CSMD1: variants seen among roughly 807,000 people sequenced by gnomAD.
CSMD1 encodes CUB and Sushi multiple domains 1.
A neutral mutation model predicts 417.5 loss-of-function variants in CSMD1; 213 were observed. The observed-to-expected ratio is 0.51, with a 90% confidence interval of 0.46 to 0.57. CSMD1 has a LOEUF of 0.57. Among genes scored for constraint, CSMD1 ranks in the 20% least tolerant of loss-of-function variants. The pLI, the probability that CSMD1 is intolerant of heterozygous loss-of-function variation, is 0.00. For synonymous variants in CSMD1, 2,862 were observed against 1,736.8 expected, an observed-to-expected ratio of 1.65 and a Z score of -16.11; for missense variants, 6,923 against 4,529.7, an observed-to-expected ratio of 1.53 and a Z score of -15.17.
At chr8:4,521,928 A>G (rs961337577) in intron 2 of CSMD1, among the ~76,000 whole-genome samples, 4 of 152,194 alleles carry the variant, frequency 2.6e-5, no homozygotes, top group African/African-American at 4.8e-5. Context: ...AGATGTGTAC[A>G]TTTTAAGGGA....
chr8:4,821,480 T>C (rs983906707), intron 1 of CSMD1, among the ~76,000 whole-genome samples: 2 of 152,156 alleles, frequency 1.3e-5, no homozygotes. Context: ...GGAACGCACT[T>C]TTCTCATATT....
intron 5 of CSMD1, among the ~76,000 whole-genome samples, chr8:3,754,656 T>G (rs1797555200): frequency 1.3e-5 from 2 of 152,198 alleles, no homozygotes; most frequent in African/African-American, 4.8e-5. Flanking sequence ...GGTTTTGCCG[T>G]GTTGGCCAGG....
At chr8:3,879,834 TGC>T (rs1322614928) in intron 5 of CSMD1, among the ~76,000 whole-genome samples, 6 of 139,962 alleles carry the variant, frequency 4.3e-5, no homozygotes. Context: ...GGTGTGCGTG[TGC>T]GTGTGTGTGT....
chr8:4,833,700 G>C (rs537804963), intron 1 of CSMD1, among the ~76,000 whole-genome samples: 95 of 152,304 alleles, frequency 6.2e-4, no homozygotes, highest in Non-Finnish European at 3.5e-4. Context: ...TCAATATCTA[G>C]TGGAAGGAGG....
chr8:3,242,251 A>G (rs889478565), intron 26 of CSMD1, among the ~76,000 whole-genome samples: 35 of 151,622 alleles, frequency 2.3e-4, no homozygotes, highest in African/African-American at 3.9e-4. Context: ...GAGTGGAGGA[A>G]CGGAGGCTGA....
chr8:3,470,384 A>G (rs1396856383), intron 11 of CSMD1, among the ~76,000 whole-genome samples: 1 of 152,210 alleles, frequency 6.6e-6, no homozygotes, highest in African/African-American at 2.4e-5. Flanking sequence ...CACATGTGGT[A>G]GGTAGTACAA....
At chr8:4,634,655 G>C (rs984421458) in intron 2 of CSMD1, among the ~76,000 whole-genome samples, 7 of 152,130 alleles carry the variant, frequency 4.6e-5, no homozygotes, top group Non-Finnish European at 1.0e-4. Context: ...CTACTTAATT[G>C]CGTTTGAGAA....
intron 1 of CSMD1, among the ~76,000 whole-genome samples, chr8:4,822,581 A>C (rs576043851): frequency 6.6e-6 from 1 of 152,128 alleles, no homozygotes; most frequent in South Asian, 2.1e-4. Flanking sequence ...ACATTTTTAT[A>C]TTTTTAGCAA....
At chr8:3,483,849 A>G (rs972763265) in intron 11 of CSMD1, among the ~76,000 whole-genome samples, 16 of 152,198 alleles carry the variant, frequency 1.1e-4, no homozygotes, top group African/African-American at 3.9e-4. Context: ...AAAAAAATCA[A>G]TCAATGTCAT....
intron 3 of CSMD1, among the ~76,000 whole-genome samples, chr8:4,225,345 C>G (rs1410984828): frequency 6.6e-6 from 1 of 151,980 alleles, no homozygotes; most frequent in East Asian, 1.9e-4. Context: ...TAATTTCCAC[C>G]TAAAATATGT....
At chr8:4,965,538 A>G (rs1809803972) in intron 1 of CSMD1, among the ~76,000 whole-genome samples, 1 of 152,146 alleles carries the variant, frequency 6.6e-6, no homozygotes, top group African/African-American at 2.4e-5. Context: ...GCCCTGGCCA[A>G]ACTGTTTAAC....
intron 1 of CSMD1, among the ~76,000 whole-genome samples, chr8:4,947,245 T>A (rs1379883478): frequency 6.6e-6 from 1 of 152,214 alleles, no homozygotes; most frequent in Non-Finnish European, 1.5e-5. Context: ...AACAGTGAAA[T>A]TTTTAAAATT....
intron 5 of CSMD1, among the ~76,000 whole-genome samples, chr8:3,911,493 A>T (rs2688328): frequency 0.13 from 20,164 of 150,006 alleles, 1,969 homozygotes; most frequent in African/African-American, 0.28. Flanking sequence ...GCGCCACTGC[A>T]CTCCAGCCTG....
At chr8:3,244,509 C>T (rs1318665577) in intron 26 of CSMD1, among the ~76,000 whole-genome samples, 1 of 152,172 alleles carries the variant, frequency 6.6e-6, no homozygotes, top group Admixed American at 6.5e-5. Flanking sequence ...CAGCCAAGTA[C>T]ACCAGCTTTT....
intron 2 of CSMD1, among the ~76,000 whole-genome samples, chr8:4,604,414 C>CGCGT (rs1800762891): frequency 1.3e-5 from 1 of 79,066 alleles, no homozygotes; most frequent in Admixed American, 1.2e-4. Flanking sequence ...TGTGTGTGCG[C>CGCGT]GTGCGTAAAG....
intron 8 of CSMD1, among the ~76,000 whole-genome samples, chr8:3,600,966 G>A (rs1801334103): frequency 6.6e-6 from 1 of 152,198 alleles, no homozygotes; most frequent in Admixed American, 6.5e-5. Context: ...GTCAAGAAAT[G>A]TAAAGAACTA....
At chr8:3,819,471 G>A (rs553029134) in intron 5 of CSMD1, among the ~76,000 whole-genome samples, 85 of 151,838 alleles carry the variant, frequency 5.6e-4, no homozygotes, top group African/African-American at 1.6e-3. Flanking sequence ...ACCTTCAATC[G>A]TCGGTGGCAC....
rs147472845 is a variant in CSMD1, at chr8:4,134,420, G to A, written c.416-102321C>T. On this transcript the variant is annotated intron_variant, in intron 3 of 69. Coordinates refer to ENST00000635120, the MANE Select transcript of CSMD1 (RefSeq NM_033225.6). ...CAAAGGGATGACCTTTGAAGACAGA[G>A]GGAGAAGACAGGTGTCTACAAGCCA... Among the ~76,000 whole-genome samples the A allele has an allele frequency of 1.8e-3, 273 of 152,258 alleles. 4 individuals carry two copies. The East Asian group carries it at 0.018, about 10-fold the overall frequency.
intron 1 of CSMD1, among the ~76,000 whole-genome samples, chr8:4,935,200 C>T (rs1392803762): frequency 6.6e-6 from 1 of 152,200 alleles, no homozygotes; most frequent in Non-Finnish European, 1.5e-5. Context: ...CACAGCTCTG[C>T]CTTCCCATAT....
Sources: gnomAD v4.1 joint callset for allele counts (sites outside exome capture counted in the v4.1 genomes callset) on GRCh38, gnomAD v4.1.1 for gene constraint, MANE v1.5 for transcripts, NCBI Gene and HGNC (gene_info 2026-07-23, HGNC 2026-07-21) for gene names.